GPAT3: variants seen among roughly 807,000 people sequenced by gnomAD.
GPAT3 encodes 1-AGP acyltransferase 9.
In GPAT3, 53 loss-of-function variants were observed where a neutral mutation model predicts 58.8. The observed-to-expected ratio is 0.90, with a 90% CI of 0.72 to 1.13. The LOEUF (loss-of-function observed/expected upper bound fraction) is 1.13. Ranked by LOEUF, GPAT3 falls within the 50% of genes most tolerant of loss-of-function variation. The probability of loss-of-function intolerance (pLI) is 0.00; values close to 1 mark genes in which losing one functional copy is unlikely to be tolerated. For synonymous variants in GPAT3, 197 were observed against 187.4 expected (o/e 1.05, Z -0.42); for missense variants, 511 against 527.6 (o/e 0.97, Z 0.31).
At chr4:83,549,114 G>C (rs561982517) in intron 2 of GPAT3, among the ~76,000 whole-genome samples, 64 of 151,550 alleles carry the variant, frequency 4.2e-4, no homozygotes, top group Non-Finnish European at 7.7e-4. Context: ...GAGGCTGAAG[G>C]GGGAGGACCT....
intron 2 of GPAT3, among the ~76,000 whole-genome samples, chr4:83,570,440 T>C (rs1342438919): frequency 4.6e-5 from 7 of 152,086 alleles, no homozygotes; most frequent in African/African-American, 1.4e-4. Flanking sequence ...GAGCCTTTAA[T>C]TGAAACTATA....
intron 2 of GPAT3, among the ~76,000 whole-genome samples, chr4:83,559,576 G>A (rs184679296): frequency 2.0e-5 from 3 of 152,148 alleles, no homozygotes; most frequent in Admixed American, 6.5e-5. Flanking sequence ...TGCTTGCCTC[G>A]GCCCCCCAAA....
chr4:83,559,385 C>T (rs933750824), intron 2 of GPAT3, among the ~76,000 whole-genome samples: 2 of 151,818 alleles, frequency 1.3e-5, no homozygotes, highest in Non-Finnish European at 2.9e-5. Context: ...GTGCAGTGAC[C>T]CAGTCTCTGC....
rs1727234277 is a variant in GPAT3 at position 83,605,873 on chromosome 4, A to G, written c.*1106A>G. The G allele has an allele frequency of 6.6e-6, 1 of 152,204 alleles. No individual in the cohort carries two copies. 9.4% of individuals were successfully genotyped at this position (152,204 alleles called of 1,614,324 possible). On this transcript the variant is annotated 3_prime_UTR_variant, in exon 12 of 12. Coordinates refer to ENST00000264409, the MANE Select transcript of GPAT3 (RefSeq NM_032717.5). Reference sequence around the variant, plus strand: ...GAATATAAATAAATTCTATATTTCTAAATGTGTGTTGCATTATTCCCCCTT... The same window carrying G: ...GAATATAAATAAATTCTATATTTCTGAATGTGTGTTGCATTATTCCCCCTT...
chr4:83,591,281 T>A (rs1024434805), intron 6 of GPAT3, among the ~76,000 whole-genome samples: 21 of 152,320 alleles, frequency 1.4e-4, no homozygotes, highest in African/African-American at 5.1e-4. Context: ...GGTTACACAA[T>A]CATTAAGGGG....
At chr4:83,554,103 C>T (rs896859200) in intron 2 of GPAT3, among the ~76,000 whole-genome samples, 2 of 151,932 alleles carry the variant, frequency 1.3e-5, no homozygotes, top group Admixed American at 1.3e-4. Flanking sequence ...GCTGTCCTCA[C>T]ACCTCATCCT....
rs1232925198 is a variant in GPAT3, at chr4:83,603,430, T to G, written c.1206-1238T>G. On this transcript the variant is annotated intron_variant, in intron 11 of 11. Coordinates refer to ENST00000264409, the MANE Select transcript of GPAT3 (RefSeq NM_032717.5). ...GAATGCAACTTATGATTTTGTTATTTTATTCGGAATCTGTTTTGGAATATA... is the reference window on the plus strand; with the variant it reads ...GAATGCAACTTATGATTTTGTTATTGTATTCGGAATCTGTTTTGGAATATA... 2.6e-5 allele frequency among the ~76,000 whole-genome samples: 4 copies of G among 152,218 alleles called. No homozygotes were observed. In the East Asian group the frequency reaches 7.7e-4, roughly 29 times the overall value.
At chr4:83,591,637 A>G (rs1726604696) in intron 6 of GPAT3, among the ~76,000 whole-genome samples, 1 of 152,180 alleles carries the variant, frequency 6.6e-6, no homozygotes, top group Non-Finnish European at 1.5e-5. Context: ...CCTCATGTTA[A>G]CACCCTAGAC....
At chr4:83,602,648 C>T (rs1357747080) in intron 11 of GPAT3, among the ~76,000 whole-genome samples, 1 of 152,124 alleles carries the variant, frequency 6.6e-6, no homozygotes, top group Non-Finnish European at 1.5e-5. Context: ...GTGCTTAGAG[C>T]AGCATGAGGT....
chr4:83,578,948 T>TTTTCTTTCTTTCTTTC (rs1553946757), intron 2 of GPAT3, among the ~76,000 whole-genome samples: 5 of 71,848 alleles, frequency 7.0e-5, no homozygotes, highest in Admixed American at 1.6e-4. Flanking sequence ...TTTTCTTTTC[T>TTTTCTTTCTTTCTTTC]TTTCTTTCTT....
chr4:83,603,790 C>CAAAA (rs58399873), intron 11 of GPAT3, among the ~76,000 whole-genome samples: 5 of 120,678 alleles, frequency 4.1e-5, no homozygotes, highest in African/African-American at 1.8e-4. Context: ...AACTCTGTCT[C>CAAAA]AAAAAAAAAA....
chr4:83,570,082 T>G (rs540340834), intron 2 of GPAT3, among the ~76,000 whole-genome samples: 1 of 152,276 alleles, frequency 6.6e-6, no homozygotes, highest in East Asian at 1.9e-4. Flanking sequence ...ATCTTACATA[T>G]TTGGGATTCG....
intron 2 of GPAT3, among the ~76,000 whole-genome samples, chr4:83,549,673 C>T (rs944608050): frequency 1.3e-5 from 2 of 149,674 alleles, no homozygotes; most frequent in African/African-American, 4.9e-5. Flanking sequence ...GCTGGAATTA[C>T]AGGGTGTGCC....
At chr4:83,580,044 T>A (rs1726048342) in intron 2 of GPAT3, among the ~76,000 whole-genome samples, 1 of 152,208 alleles carries the variant, frequency 6.6e-6, no homozygotes, top group Admixed American at 6.5e-5. Flanking sequence ...AGAAGTAACC[T>A]TTTGTGATAC....
intron 2 of GPAT3, among the ~76,000 whole-genome samples, chr4:83,581,353 A>G (rs1454237218): frequency 2.6e-5 from 4 of 152,062 alleles, no homozygotes; most frequent in African/African-American, 9.7e-5. Flanking sequence ...AACAAAGATC[A>G]TGAGGTAGAG....
Position 83,598,699 on chromosome 4 carries a change from A to G in GPAT3, c.1181A>G (p.Gln394Arg). The G allele has an allele frequency of 6.4e-7, 1 of 1,573,242 alleles. No individual in the cohort carries two copies. The highest frequency in any genetic ancestry group is 8.6e-7 in the Non-Finnish European group (1 of 1,157,054). Reference protein sequence around the residue: ...ANRVKSAIAIQGGLTELPWDG... With the variant: ...ANRVKSAIAIRGGLTELPWDG... ...AGGGTTAAGTCTGCTATTGCTATAC[A>G]AGGAGGCCTGACTGAACTTCCCTGG... The change falls in exon 11 of 12, where the codon CAA (glutamine) becomes CGA (arginine). Residue 394 changes from glutamine to arginine, a missense_variant. Transcript: ENST00000264409.
Position 83,536,510 on chromosome 4 carries a change from G to A in GPAT3, c.-113G>A, listed in dbSNP as rs1724095294. On this transcript the variant is annotated 5_prime_UTR_variant, in exon 1 of 12. In the 5' UTR this introduces an upstream ATG that the reference lacks. Transcript: ENST00000264409. The stretch of plus-strand genomic sequence containing the variant: ...TCCTCTCTTCCCTTCGCAGAGGTGA[G>A]TGCCGGGCTCGGCGCTCTGCTCCTG... 6.6e-7 allele frequency: 1 copy of A among 1,510,420 alleles called. No individual in the cohort carries two copies. Among genetic ancestry groups the A allele is most frequent in the Non-Finnish European group, 8.8e-7 (1 of 1,133,508 alleles). The allele number at this position is 1,510,420 out of a possible 1,614,324, so 93.6% of individuals were successfully genotyped here. A position where few individuals can be genotyped will look rare whatever the true frequency, so the allele number is the denominator to read the frequency against.
At chr4:83,575,522 C>T (rs973360683) in intron 2 of GPAT3, among the ~76,000 whole-genome samples, 2 of 152,172 alleles carry the variant, frequency 1.3e-5, no homozygotes, top group Non-Finnish European at 2.9e-5. Flanking sequence ...ACACCATTCT[C>T]CTGCCACAGC....
chr4:83,569,051 A>T (rs557224022), intron 2 of GPAT3, among the ~76,000 whole-genome samples: 1 of 152,220 alleles, frequency 6.6e-6, no homozygotes, highest in African/African-American at 2.4e-5. Context: ...TGGTTCTCTC[A>T]TCTTAAGTAT....
Sources: gnomAD v4.1 joint callset for allele counts (sites outside exome capture counted in the v4.1 genomes callset) on GRCh38, gnomAD v4.1.1 for gene constraint, MANE v1.5 for transcripts, NCBI Gene and HGNC (gene_info 2026-07-23, HGNC 2026-07-21) for gene names.